The following MAPK10 variants were observed in gnomAD, a reference collection of about 807,000 sequenced individuals.
MAPK10 encodes JNK3 alpha protein kinase.
MAPK10 carries 25 observed loss-of-function variants against 59.3 expected under a neutral mutation model. The ratio of observed to expected loss-of-function variants is 0.42; its 90% CI spans 0.31 to 0.59. The LOEUF (loss-of-function observed/expected upper bound fraction) is 0.59. MAPK10 is among the 20% of genes least tolerant of loss of function. MAPK10 has a pLI of 0.15. For missense variants in MAPK10, 351 were observed against 568.9 expected (o/e 0.62, Z 3.90); for synonymous variants, 190 against 200.5 (o/e 0.95, Z 0.44).
intron 1 of MAPK10, among the ~76,000 whole-genome samples, chr4:86,551,617 T>G (rs1334943781): frequency 6.6e-6 from 1 of 151,950 alleles, no homozygotes; most frequent in Non-Finnish European, 1.5e-5. Context: ...TCTCTTTCTT[T>G]CTTTTTGAGA....
At chr4:86,136,602 G>A (rs1042490766) in intron 4 of MAPK10, among the ~76,000 whole-genome samples, 11 of 150,734 alleles carry the variant, frequency 7.3e-5, no homozygotes, top group African/African-American at 2.0e-4. Context: ...AAAGACCACC[G>A]AGACTAGGAA....
rs1372281749 is a variant in MAPK10 at position 86,067,884 on chromosome 4, G to T, written c.874C>A (p.Pro292Thr). 1 of 1,613,702 alleles carries T rather than the reference G, an allele frequency of 6.2e-7. No individual in the cohort carries two copies. The highest frequency in any genetic ancestry group is 8.5e-7 in the Non-Finnish European group (1 of 1,179,660). ...PCPEFMKKLQ[P>T]TVRNYVENRP... ...TTCTCCACATAGTTTCTTACTGTGG[G>T]TTGCAATTTCTTCATGAATTCTGGA... Residue 292 changes from proline (P) to threonine (T), a missense_variant, in exon 10 of 14, where the codon CCC becomes ACC. Physicochemically the swap from Pro to Thr is conservative, Grantham distance 38. Coordinates refer to ENST00000641462, the MANE Select transcript of MAPK10 (RefSeq NM_138982.4).
chr4:86,032,023 GGTTT>G (rs1289914856), intron 11 of MAPK10: 6 of 152,234 alleles, frequency 3.9e-5, no homozygotes, highest in East Asian at 3.9e-4. Flanking sequence ...TAAGCTTTTT[GGTTT>G]GTTTGTTTAT....
chr4:86,097,052 A>G (rs538435538), intron 9 of MAPK10, among the ~76,000 whole-genome samples: 2 of 152,150 alleles, frequency 1.3e-5, no homozygotes, highest in South Asian at 2.1e-4. Flanking sequence ...GAATAAAAAA[A>G]GATATATATA....
At chr4:86,549,230 A>G (rs1035279787) in intron 1 of MAPK10, among the ~76,000 whole-genome samples, 1 of 152,248 alleles carries the variant, frequency 6.6e-6, no homozygotes, top group East Asian at 1.9e-4. Context: ...ACAGTCCGGC[A>G]TCACTTAAGG....
intron 10 of MAPK10, among the ~76,000 whole-genome samples, chr4:86,067,212 G>A (rs1436221415): frequency 1.3e-5 from 2 of 152,092 alleles, no homozygotes; most frequent in Admixed American, 6.6e-5. Context: ...CCCGATCTCG[G>A]CTCACTGCAA....
chr4:86,476,724 A>G (rs2149068524), intron 1 of MAPK10, among the ~76,000 whole-genome samples: 1 of 152,326 alleles, frequency 6.6e-6, no homozygotes, highest in East Asian at 1.9e-4. Flanking sequence ...GCCAAGTAGC[A>G]ATGTATTTCT....
chr4:86,104,457 T>C (rs1561744747), intron 5 of MAPK10, among the ~76,000 whole-genome samples: 1 of 152,154 alleles, frequency 6.6e-6, no homozygotes, highest in Non-Finnish European at 1.5e-5. Flanking sequence ...TCAGTGCTAG[T>C]GAGTGTTGAA....
chr4:86,289,758 G>C (rs1268901099), intron 2 of MAPK10, among the ~76,000 whole-genome samples: 1 of 151,942 alleles, frequency 6.6e-6, no homozygotes, highest in Admixed American at 6.6e-5. Flanking sequence ...GTTTGGAGTA[G>C]TAAAGTAGCT....
intron 1 of MAPK10, among the ~76,000 whole-genome samples, chr4:86,497,346 C>G (rs1470204750): frequency 6.6e-6 from 1 of 152,170 alleles, no homozygotes; most frequent in Non-Finnish European, 1.5e-5. Flanking sequence ...ACTATGCGGG[C>G]ATGCACTGAA....
At chr4:86,422,336 ACTTG>A (rs1379168842) in intron 1 of MAPK10, among the ~76,000 whole-genome samples, 2 of 152,348 alleles carry the variant, frequency 1.3e-5, no homozygotes, top group East Asian at 3.9e-4. Context: ...CCTTAAGAGT[ACTTG>A]CATTTTTAAG....
At chr4:86,533,400 T>G (rs1044958717) in intron 1 of MAPK10, among the ~76,000 whole-genome samples, 3 of 152,176 alleles carry the variant, frequency 2.0e-5, no homozygotes, top group South Asian at 4.1e-4. Context: ...ATTAAAATGG[T>G]AAATTTTGCT....
At chr4:86,282,649 C>A (rs995583912) in intron 2 of MAPK10, among the ~76,000 whole-genome samples, 1 of 152,128 alleles carries the variant, frequency 6.6e-6, no homozygotes, top group Non-Finnish European at 1.5e-5. Context: ...TCCCTGCCCG[C>A]CCTTAGGACA....
intron 2 of MAPK10, among the ~76,000 whole-genome samples, chr4:86,242,949 T>C (rs1489480286): frequency 6.6e-6 from 1 of 152,138 alleles, no homozygotes; most frequent in African/African-American, 2.4e-5. Flanking sequence ...CCCGGTGGCA[T>C]GGGTTTGCGA....
At chr4:86,545,701 G>C (rs1352971839) in intron 1 of MAPK10, among the ~76,000 whole-genome samples, 1 of 152,066 alleles carries the variant, frequency 6.6e-6, no homozygotes, top group Non-Finnish European at 1.5e-5. Flanking sequence ...GGAGAAGAGA[G>C]GTGTTAATGG....
In MAPK10 at chr4:86,358,198, A is replaced by G. The variant is rs145679000; in HGVS notation, c.-122+1460T>C. ...TTTATTTGTTATATATTTGTAACAT[A>G]TATGCTCACCTAAAGTAGAAAATTC... On this transcript the variant is annotated intron_variant, in intron 1 of 13. Transcript: ENST00000641462. The G allele has an allele frequency of 3.9e-5, 38 of 984,350 alleles. No homozygotes were observed. In the East Asian group the frequency reaches 3.0e-3, roughly 76 times the overall value. The allele number at this position is 984,350 out of a possible 1,614,324, so 61.0% of individuals were successfully genotyped here.
intron 1 of MAPK10, among the ~76,000 whole-genome samples, chr4:86,495,939 C>G (rs191522886): frequency 1.4e-3 from 217 of 152,240 alleles, no homozygotes; most frequent in Non-Finnish European, 2.4e-3. Flanking sequence ...TAAGAATAAT[C>G]TCAAGTTTTA....
chr4:86,057,255 A>G (rs2044761911), intron 11 of MAPK10, among the ~76,000 whole-genome samples: 1 of 149,892 alleles, frequency 6.7e-6, no homozygotes, highest in Non-Finnish European at 1.5e-5. Flanking sequence ...ACATTATTTT[A>G]TATTCAGTCA....
intron 2 of MAPK10, among the ~76,000 whole-genome samples, chr4:86,305,851 T>C (rs1229058209): frequency 6.7e-6 from 1 of 149,884 alleles, no homozygotes; most frequent in Non-Finnish European, 1.5e-5. Context: ...AAACAGACAA[T>C]CACTTTCTTT....
Sources: gnomAD v4.1 joint callset for allele counts (sites outside exome capture counted in the v4.1 genomes callset) on GRCh38, gnomAD v4.1.1 for gene constraint, MANE v1.5 for transcripts, NCBI Gene and HGNC (gene_info 2026-07-23, HGNC 2026-07-21) for gene names.